MBP: variants seen among roughly 807,000 people sequenced by gnomAD.
The protein encoded by MBP is myelin basic protein, also known as Golli-MBP.
In MBP, 16 loss-of-function variants were observed where a neutral mutation model predicts 35.8. That is an observed-to-expected ratio of 0.45 (90% CI 0.30 to 0.68). MBP has a LOEUF of 0.68. MBP is among the 30% of genes least tolerant of loss of function. The pLI is 0.08. For synonymous variants in MBP, 143 were observed against 159.6 expected, an observed-to-expected ratio of 0.90 and a Z score of 0.78; for missense variants, 380 against 404.7, an observed-to-expected ratio of 0.94 and a Z score of 0.52.
At chr18:77,023,107 T>C (rs1972057262) in intron 3 of MBP, among the ~76,000 whole-genome samples, 1 of 152,268 alleles carries the variant, frequency 6.6e-6, no homozygotes, top group Admixed American at 6.5e-5. Context: ...AGGACAATGC[T>C]GGCCTTTAGA....
At chr18:77,010,773 G>A (rs1442635636) in intron 4 of MBP, among the ~76,000 whole-genome samples, 1 of 152,208 alleles carries the variant, frequency 6.6e-6, no homozygotes, top group East Asian at 1.9e-4. Context: ...TTACACGAGA[G>A]TATCTGCTAT....
At chr18:76,991,209 T>G (rs112947673) in intron 4 of MBP, among the ~76,000 whole-genome samples, 1 of 151,600 alleles carries the variant, frequency 6.6e-6, no homozygotes, top group South Asian at 2.1e-4. Flanking sequence ...CTTCCACATC[T>G]CGAGTAAGAG....
chr18:77,130,197 G>A (rs1241372756), intron 1 of MBP, among the ~76,000 whole-genome samples: 2 of 152,094 alleles, frequency 1.3e-5, no homozygotes, highest in African/African-American at 4.8e-5. Context: ...ACCTGTGTGG[G>A]ACATCTCTGG....
intron 4 of MBP, chr18:77,015,410 G>A (rs1971572251): frequency 2.0e-6 from 2 of 985,382 alleles, no homozygotes; most frequent in Non-Finnish European, 2.4e-6. Context: ...TTGATAGCTG[G>A]GCTTGAAAAA....
At chr18:77,005,164 G>A (rs893051599) in intron 4 of MBP, 3 of 152,274 alleles carry the variant, frequency 2.0e-5, no homozygotes, top group African/African-American at 7.2e-5. Context: ...TTGACGCCGG[G>A]TTCCAGCTTC....
Position 77,057,879 on chromosome 18 carries a change from T to G in MBP, c.139+8419A>C, listed in dbSNP as rs1485003047. On this transcript the variant is annotated intron_variant, in intron 3 of 8. Transcript: ENST00000355994. ...TCTCGCTCTGTTGCCCAGGCTGGAG[T>G]GCAGTGGTGCGATCTCGGCTCACTG... Among the ~76,000 whole-genome samples the G allele has an allele frequency of 9.2e-4, 9 of 9,778 alleles. 2 individuals are homozygous for G. Among genetic ancestry groups the G allele is most frequent in the South Asian group, 0.02 (2 of 102 alleles). 6.4% of individuals were successfully genotyped at this position (9,778 alleles called of 152,430 possible).
At chr18:77,053,075 C>T (rs1267497725) in intron 3 of MBP, among the ~76,000 whole-genome samples, 4 of 152,248 alleles carry the variant, frequency 2.6e-5, no homozygotes, top group Non-Finnish European at 4.4e-5. Context: ...CAACCAATGC[C>T]GTGTCCCCGT....
At chr18:77,085,895 G>A (rs1053819854) in intron 2 of MBP, among the ~76,000 whole-genome samples, 5 of 151,974 alleles carry the variant, frequency 3.3e-5, no homozygotes, top group African/African-American at 1.2e-4. Flanking sequence ...TGTTGGCCAG[G>A]ATGGTCTCGA....
chr18:77,118,498 C>T (rs918811505), intron 1 of MBP, among the ~76,000 whole-genome samples: 2 of 151,944 alleles, frequency 1.3e-5, no homozygotes, highest in Non-Finnish European at 2.9e-5. Context: ...GGAAATCTCC[C>T]GTGTGAGTGT....
At position 77,101,441 on chromosome 18, in the gene MBP, C is replaced by A. The variant is rs1257761240; in HGVS notation, c.51+3770G>T. ...CTGAGAAGGAGCGCTGTGCCCTGAA[C>A]CTGCGCCTGCCTGGAGGAAGTTACA... On this transcript the variant is annotated intron_variant, in intron 2 of 8. Coordinates refer to ENST00000355994, the MANE Select transcript of MBP (RefSeq NM_001025101.2). The surrounding 1 kb of genome is among the most constrained non-coding windows in gnomAD (Gnocchi z 4.3). Among the ~76,000 whole-genome samples, 3 of 152,328 alleles carry A rather than the reference C, an allele frequency of 2.0e-5. No homozygotes were observed. In the South Asian group the frequency reaches 6.2e-4, roughly 32 times the overall value.
At chr18:76,987,327 G>T in intron 7 of MBP, 1 of 985,468 alleles carries the variant, frequency 1.0e-6, no homozygotes. Context: ...ACTAGTCCAT[G>T]TACATTTGCT....
chr18:76,992,848 C>T (rs1040735519), intron 4 of MBP, among the ~76,000 whole-genome samples: 9 of 152,236 alleles, frequency 5.9e-5, no homozygotes, highest in Admixed American at 1.3e-4. Flanking sequence ...CATCCATCCC[C>T]TGCCCTGGGC....
chr18:77,098,185 T>TTTTTTTTTTTTG, intron 2 of MBP, among the ~76,000 whole-genome samples: 1 of 150,214 alleles, frequency 6.7e-6, no homozygotes, highest in Non-Finnish European at 1.5e-5. Flanking sequence ...TTTTTTTTTT[T>TTTTTTTTTTTTG]TTTTACAATA....
At chr18:76,992,934 G>C (rs765347846) in intron 4 of MBP, among the ~76,000 whole-genome samples, 13 of 152,186 alleles carry the variant, frequency 8.5e-5, no homozygotes, top group Non-Finnish European at 1.6e-4. Context: ...CCTTGTGCAG[G>C]GTCCTTTCTG....
At chr18:77,016,349 CA>C (rs1341639177) in intron 4 of MBP, 31 of 989,022 alleles carry the variant, frequency 3.1e-5, no homozygotes, top group Middle Eastern at 5.2e-4. Flanking sequence ...GGAGTTTGTT[CA>C]AAAGTCTTCC....
chr18:77,085,564 C>T (rs1312668497), intron 2 of MBP, among the ~76,000 whole-genome samples: 1 of 152,134 alleles, frequency 6.6e-6, no homozygotes, highest in East Asian at 1.9e-4. Context: ...CACGTGTCAC[C>T]ATTATGTTTT....
intron 4 of MBP, chr18:76,990,927 A>G: frequency 3.4e-6 from 1 of 293,178 alleles, no homozygotes; most frequent in Non-Finnish European, 7.0e-6. Context: ...GAAGGTGAAC[A>G]AGCAAATAGA....
At chr18:77,015,048 G>T (rs897719356) in intron 4 of MBP, 1 of 981,388 alleles carries the variant, frequency 1.0e-6, no homozygotes, top group Admixed American at 6.2e-5. Context: ...TGAAAATATT[G>T]AAGAGTATAA....
At chr18:77,127,419 A>C (rs1977087061) in intron 1 of MBP, 1 of 152,262 alleles carries the variant, frequency 6.6e-6, no homozygotes, top group South Asian at 2.1e-4. Flanking sequence ...AATAGGCTTA[A>C]GTATAAAATG....
Sources: allele counts gnomAD v4.1 joint callset (sites outside exome capture counted in the v4.1 genomes callset), GRCh38; gene constraint gnomAD v4.1.1; non-coding constraint Gnocchi (gnomAD v3.1); transcripts MANE v1.5; gene names NCBI Gene and HGNC (gene_info 2026-07-23, HGNC 2026-07-21).